The following ZNF521 variants were observed in gnomAD, a reference collection of about 807,000 sequenced individuals.
The protein encoded by ZNF521 is LYST-interacting protein 3.
In ZNF521, 14 loss-of-function variants were observed where a neutral mutation model predicts 105.5. The observed-to-expected ratio is 0.13, with a 90% CI of 0.09 to 0.21. ZNF521 has a LOEUF of 0.21. Ranked by LOEUF, ZNF521 falls within the 10% of genes least tolerant of loss-of-function variation. ZNF521 has a pLI of 1.00. For synonymous variants in ZNF521, 635 were observed against 606.0 expected (o/e 1.05, Z -0.70); for missense variants, 1,233 against 1,629.7 (o/e 0.76, Z 4.19).
rs770487136 is a variant in ZNF521 at position 25,224,857 on chromosome 18, G to A, written c.3061C>T (p.Arg1021Cys). 6 of 1,613,892 alleles carry A rather than the reference G, an allele frequency of 3.7e-6. No homozygotes were observed. The African/African-American group carries it at 4.0e-5, about 11-fold the overall frequency. Residue 1021 changes from arginine to cysteine, a missense_variant, in exon 4 of 8, where the codon CGC (arginine) becomes TGC (cysteine). Coordinates refer to ENST00000361524, the MANE Select transcript of ZNF521 (RefSeq NM_015461.3). ...PDLRNSLTGF[R>C]CVVCMQTVTS... ...ACTGTCTGCATGCACACCACGCAGC[G>A]AAAGCCTGTCAGGGAATTCCTCAAG...
At chr18:25,186,537 G>GA (rs1419937277) in intron 5 of ZNF521, among the ~76,000 whole-genome samples, 1 of 152,132 alleles carries the variant, frequency 6.6e-6, no homozygotes, top group Non-Finnish European at 1.5e-5. Context: ...AGGTAATCAT[G>GA]AAAACTATAG....
At chr18:25,279,903 T>A (rs1910258594) in intron 3 of ZNF521, among the ~76,000 whole-genome samples, 1 of 152,190 alleles carries the variant, frequency 6.6e-6, no homozygotes, top group Admixed American at 6.5e-5. Context: ...AGTAAGTACC[T>A]AATATAGCCT....
chr18:25,247,112 G>A (rs1309234086), intron 3 of ZNF521, among the ~76,000 whole-genome samples: 2 of 152,176 alleles, frequency 1.3e-5, no homozygotes, highest in Non-Finnish European at 1.5e-5. Context: ...ATGAGACCCA[G>A]AAGAGGCACA....
intron 5 of ZNF521, among the ~76,000 whole-genome samples, chr18:25,175,083 C>T (rs2035513977): frequency 1.3e-5 from 2 of 152,126 alleles, no homozygotes; most frequent in Admixed American, 1.3e-4. Context: ...AAATTCTACA[C>T]CAATTTCCAA....
chr18:25,174,507 G>A (rs142970764), intron 5 of ZNF521, among the ~76,000 whole-genome samples: 50 of 152,328 alleles, frequency 3.3e-4, no homozygotes, highest in Non-Finnish European at 6.3e-4. Context: ...GGGGGAGACA[G>A]CGAGTGTTTG....
chr18:25,284,591 C>T (rs1910580566), intron 3 of ZNF521, among the ~76,000 whole-genome samples: 1 of 151,884 alleles, frequency 6.6e-6, no homozygotes, highest in Non-Finnish European at 1.5e-5. Flanking sequence ...GAGTCATAGG[C>T]ATAAAGAAGT....
intron 5 of ZNF521, among the ~76,000 whole-genome samples, chr18:25,188,534 C>T (rs1171764533): frequency 6.6e-6 from 1 of 152,146 alleles, no homozygotes; most frequent in Non-Finnish European, 1.5e-5. Flanking sequence ...TTACTGATGA[C>T]TTTTAGTGCC....
At chr18:25,084,409 T>C (rs2033575245) in intron 7 of ZNF521, among the ~76,000 whole-genome samples, 1 of 150,948 alleles carries the variant, frequency 6.6e-6, no homozygotes, top group South Asian at 2.1e-4. Flanking sequence ...TAAACTGTGG[T>C]GTGAAAAATA....
chr18:25,297,610 A>C (rs1911397564), intron 3 of ZNF521, among the ~76,000 whole-genome samples: 1 of 152,212 alleles, frequency 6.6e-6, no homozygotes, highest in African/African-American at 2.4e-5. Flanking sequence ...AGTTCATATT[A>C]CTGGCAGAGA....
At chr18:25,126,311 A>G (rs1462058702) in intron 5 of ZNF521, among the ~76,000 whole-genome samples, 1 of 152,136 alleles carries the variant, frequency 6.6e-6, no homozygotes, top group Non-Finnish European at 1.5e-5. Flanking sequence ...AAGTCAGGCT[A>G]TTGATATTAT....
chr18:25,297,911 C>T (rs981117550), intron 3 of ZNF521, among the ~76,000 whole-genome samples: 16 of 152,086 alleles, frequency 1.1e-4, no homozygotes, highest in African/African-American at 3.9e-4. Flanking sequence ...CATTCTTAGA[C>T]TTTTTGATTG....
intron 5 of ZNF521, among the ~76,000 whole-genome samples, chr18:25,121,254 A>T (rs1335355207): frequency 7.1e-6 from 1 of 139,886 alleles, no homozygotes; most frequent in Non-Finnish European, 1.5e-5. Flanking sequence ...CACCGCGCCC[A>T]GCCTTCTTCT....
At chr18:25,256,008 T>G (rs931455835) in intron 3 of ZNF521, among the ~76,000 whole-genome samples, 1 of 147,814 alleles carries the variant, frequency 6.8e-6, no homozygotes, top group Non-Finnish European at 1.5e-5. Context: ...TATATATATA[T>G]GATATATATA....
At chr18:25,287,142 C>T (rs1418614298) in intron 3 of ZNF521, among the ~76,000 whole-genome samples, 1 of 152,136 alleles carries the variant, frequency 6.6e-6, no homozygotes, top group Non-Finnish European at 1.5e-5. Flanking sequence ...ACCAAACATA[C>T]CAAGCAAACT....
intron 3 of ZNF521, among the ~76,000 whole-genome samples, chr18:25,247,288 C>T (rs899707854): frequency 2.0e-5 from 3 of 152,060 alleles, no homozygotes; most frequent in African/African-American, 4.8e-5. Flanking sequence ...GGAAGAAGCA[C>T]GAAAACAATC....
chr18:25,344,322 T>C (rs529578712), intron 2 of ZNF521, among the ~76,000 whole-genome samples: 1 of 152,290 alleles, frequency 6.6e-6, no homozygotes, highest in African/African-American at 2.4e-5. Flanking sequence ...CTTACACTAT[T>C]TGATTAATAC....
chr18:25,104,853 A>T (rs1178605972), intron 5 of ZNF521, among the ~76,000 whole-genome samples: 2 of 152,190 alleles, frequency 1.3e-5, no homozygotes, highest in African/African-American at 2.4e-5. Context: ...AAAAGTGAAT[A>T]CATAATTTCA....
chr18:25,317,302 T>C (rs1343177688), intron 3 of ZNF521, among the ~76,000 whole-genome samples: 1 of 152,200 alleles, frequency 6.6e-6, no homozygotes, highest in East Asian at 1.9e-4. Context: ...ATACCATGTG[T>C]GGAAAATTCA....
intron 5 of ZNF521, among the ~76,000 whole-genome samples, chr18:25,166,866 A>G (rs1427543179): frequency 6.6e-6 from 1 of 152,208 alleles, no homozygotes; most frequent in Non-Finnish European, 1.5e-5. Flanking sequence ...GCAGTATTTG[A>G]TTTAGTTCGT....
Sources: allele counts gnomAD v4.1 joint callset (sites outside exome capture counted in the v4.1 genomes callset), GRCh38; gene constraint gnomAD v4.1.1; transcripts MANE v1.5; gene names NCBI Gene and HGNC (gene_info 2026-07-23, HGNC 2026-07-21).